Variants in LRP1B observed in about 807,000 individuals in gnomAD.
LRP1B encodes LDL receptor related protein 1B.
LRP1B carries 217 observed loss-of-function variants against 556.6 expected under a neutral mutation model. That is an observed-to-expected ratio of 0.39 (90% CI 0.35 to 0.44). The LOEUF (loss-of-function observed/expected upper bound fraction) is 0.44, where lower values mean the gene tolerates loss of function less well. LRP1B is among the 20% of genes least tolerant of loss of function. The probability of loss-of-function intolerance (pLI) is 1.00; values close to 1 mark genes in which losing one functional copy is unlikely to be tolerated. For missense variants in LRP1B, 5,053 were observed against 5,620.8 expected (o/e 0.90, Z 3.23); for synonymous variants, 2,047 against 1,865.8 (o/e 1.10, Z -2.50).
intron 2 of LRP1B, among the ~76,000 whole-genome samples, chr2:141,525,293 C>T (rs1022944552): frequency 1.3e-5 from 2 of 151,956 alleles, no homozygotes; most frequent in African/African-American, 4.8e-5. Flanking sequence ...AGAAGGAAAC[C>T]TTAGTTATTG....
rs2105016770 is a variant in LRP1B at position 140,541,016 on chromosome 2, G to A, written c.7470C>T (p.Ser2490=). 1 of 1,611,738 alleles carries A rather than the reference G, an allele frequency of 6.2e-7. No homozygotes were observed. Residue 2490 remains serine, a synonymous_variant, in exon 45 of 91, where the codon TCC becomes TCT. Transcript: ENST00000389484. ...LLTPNGRVNC[S]CRGDRILLED... is the part of the protein sequence containing the mutation. Reference sequence around the variant, plus strand: ...CTAGCAATATTCGGTCCCCTCTGCAGGAACAATTCACTCTCCCATTGGGAG... The same window carrying A: ...CTAGCAATATTCGGTCCCCTCTGCAAGAACAATTCACTCTCCCATTGGGAG...
chr2:140,718,691 C>T (rs1687294712), intron 35 of LRP1B, among the ~76,000 whole-genome samples: 1 of 152,064 alleles, frequency 6.6e-6, no homozygotes, highest in African/African-American at 2.4e-5. Flanking sequence ...CCATCTCATC[C>T]AAGGTAAAAT....
At chr2:141,103,584 A>G (rs756812669) in intron 7 of LRP1B, among the ~76,000 whole-genome samples, 2 of 150,286 alleles carry the variant, frequency 1.3e-5, no homozygotes, top group Non-Finnish European at 2.9e-5. Flanking sequence ...TTTTTCCATA[A>G]AGAAATGTGC....
intron 86 of LRP1B, among the ~76,000 whole-genome samples, chr2:140,260,078 T>C (rs977056166): frequency 6.6e-6 from 1 of 151,996 alleles, no homozygotes; most frequent in Non-Finnish European, 1.5e-5. Context: ...ATTTTTAGTG[T>C]TTGTTTCGAA....
chr2:140,756,853 A>C (rs1238657201), intron 35 of LRP1B, among the ~76,000 whole-genome samples: 1 of 152,174 alleles, frequency 6.6e-6, no homozygotes, highest in Non-Finnish European at 1.5e-5. Flanking sequence ...TTTGTGATTC[A>C]AAAGGCACCT....
intron 3 of LRP1B, among the ~76,000 whole-genome samples, chr2:141,394,345 T>C (rs1340478609): frequency 6.6e-6 from 1 of 152,180 alleles, no homozygotes; most frequent in Non-Finnish European, 1.5e-5. Flanking sequence ...CACCTTTGTT[T>C]TAAATAAATT....
chr2:140,522,838 G>C (rs891973412), intron 49 of LRP1B, among the ~76,000 whole-genome samples: 10 of 151,802 alleles, frequency 6.6e-5, no homozygotes, highest in East Asian at 3.9e-4. Flanking sequence ...CCAAAATTGA[G>C]TAAGGAAGAC....
rs1252270611 is a variant in LRP1B, at chr2:140,270,328, A to C, written c.13161T>G (p.Ile4387Met). The part of the protein sequence containing the change: ...DIFCNCTNGK[I>M]ASSCQLCDGY... ...CATCACATAACTGACAGCTAGAGGC[A>C]ATCTTTCCATTAGTGCAGCTGCAAC... The change falls in exon 86 of 91, where the codon ATT (isoleucine) becomes ATG (methionine). Residue 4387 changes from isoleucine to methionine, a missense_variant. Transcript: ENST00000389484. 10 of 1,611,132 alleles carry C rather than the reference A, an allele frequency of 6.2e-6. No homozygotes were observed. Among genetic ancestry groups the C allele is most frequent in the Admixed American group, 3.3e-5 (2 of 59,814 alleles).
intron 67 of LRP1B, among the ~76,000 whole-genome samples, chr2:140,380,133 T>TGTACCC (rs1189775754): frequency 6.6e-6 from 1 of 152,168 alleles, no homozygotes; most frequent in African/African-American, 2.4e-5. Flanking sequence ...GTGCTATACT[T>TGTACCC]GTACCCTGTT....
intron 31 of LRP1B, among the ~76,000 whole-genome samples, chr2:140,821,814 C>T (rs941686054): frequency 1.3e-5 from 2 of 152,038 alleles, no homozygotes; most frequent in African/African-American, 2.4e-5. Flanking sequence ...GCGGGTAGAT[C>T]ACGAGGTCAG....
At chr2:140,588,185 G>A (rs184785791) in intron 43 of LRP1B, among the ~76,000 whole-genome samples, 4 of 152,086 alleles carry the variant, frequency 2.6e-5, no homozygotes, top group Admixed American at 2.0e-4. Flanking sequence ...CATAAAAGTA[G>A]GCTTTCCTTA....
At chr2:140,496,117 A>C (rs1688916525) in intron 55 of LRP1B, among the ~76,000 whole-genome samples, 1 of 152,296 alleles carries the variant, frequency 6.6e-6, no homozygotes, top group East Asian at 1.9e-4. Flanking sequence ...TATAAGAATT[A>C]ATCCTTACAT....
intron 32 of LRP1B, among the ~76,000 whole-genome samples, chr2:140,795,342 T>C (rs1185182521): frequency 1.3e-5 from 2 of 152,190 alleles, no homozygotes; most frequent in Non-Finnish European, 1.5e-5. Flanking sequence ...GATATATCTA[T>C]ATAAAAACTA....
chr2:140,900,407 A>T (rs1168839711), intron 23 of LRP1B, among the ~76,000 whole-genome samples: 1 of 152,230 alleles, frequency 6.6e-6, no homozygotes, highest in African/African-American at 2.4e-5. Context: ...TACCATTACA[A>T]CAAATTGCTG....
chr2:141,228,538 GGAGA>G (rs563441764), intron 6 of LRP1B, among the ~76,000 whole-genome samples: 1 of 150,046 alleles, frequency 6.7e-6, no homozygotes, highest in South Asian at 2.1e-4. Flanking sequence ...GGAGAGAGAA[GGAGA>G]GAGAGAATAT....
chr2:141,241,428 G>T (rs962904), intron 5 of LRP1B, among the ~76,000 whole-genome samples: 1 of 151,664 alleles, frequency 6.6e-6, no homozygotes, highest in African/African-American at 2.4e-5. Flanking sequence ...GTTTATTTGA[G>T]AGGGGAGTGG....
intron 43 of LRP1B, among the ~76,000 whole-genome samples, chr2:140,589,019 TAA>T (rs1227666652): frequency 6.7e-6 from 1 of 149,814 alleles, no homozygotes; most frequent in Admixed American, 6.7e-5. Context: ...GACCTTGACC[TAA>T]GTTTCTGACC....
At chr2:141,036,044 A>G (rs1451865653) in intron 11 of LRP1B, among the ~76,000 whole-genome samples, 1 of 152,148 alleles carries the variant, frequency 6.6e-6, no homozygotes, top group Non-Finnish European at 1.5e-5. Context: ...ACAAAAGAAT[A>G]ACAATAAGCG....
chr2:140,366,402 T>TC (rs1201846916), intron 71 of LRP1B, among the ~76,000 whole-genome samples: 1 of 151,608 alleles, frequency 6.6e-6, no homozygotes, highest in African/African-American at 2.4e-5. Flanking sequence ...AAGACATAAT[T>TC]CATTTGAGGT....
Sources: gnomAD v4.1 joint callset for allele counts (sites outside exome capture counted in the v4.1 genomes callset) on GRCh38, gnomAD v4.1.1 for gene constraint, MANE v1.5 for transcripts, NCBI Gene and HGNC (gene_info 2026-07-23, HGNC 2026-07-21) for gene names.